CGNL1: variants seen among roughly 807,000 people sequenced by gnomAD.
CGNL1 encodes the protein cingulin like 1, also known as cingulin-like protein 1.
A neutral mutation model predicts 141.2 loss-of-function variants in CGNL1; 132 were observed. The observed-to-expected ratio is 0.93, with a 90% CI of 0.81 to 1.08. The LOEUF (loss-of-function observed/expected upper bound fraction) is 1.08. CGNL1 is among the 50% of genes least tolerant of loss of function. The pLI, the probability that CGNL1 is intolerant of heterozygous loss-of-function variation, is 0.00. For synonymous variants in CGNL1, 690 were observed against 622.1 expected (o/e 1.11, Z -1.63); for missense variants, 1,870 against 1,588.6 (o/e 1.18, Z -3.01).
At chr15:57,512,557 C>A (rs2030407449) in intron 8 of CGNL1, among the ~76,000 whole-genome samples, 1 of 152,186 alleles carries the variant, frequency 6.6e-6, no homozygotes, top group African/African-American at 2.4e-5. Context: ...CTCCTAGAGT[C>A]ATACTCAGCC....
rs751539694 is a variant in CGNL1, at chr15:57,523,637, AGGAG to A, written c.2866_2868+1del. On this transcript the variant is annotated frameshift_variant and splice_region_variant, in exon 11 of 19. Coordinates refer to ENST00000281282, the MANE Select transcript of CGNL1 (RefSeq NM_032866.5). LOFTEE classifies it high-confidence loss of function. ...GGCAAAACCATTGAGAAACTGCAGAAGGAGGTGAGGGGCTGGAGGAGGAAAGAGG... is the reference window on the plus strand; with the variant it reads ...GGCAAAACCATTGAGAAACTGCAGAAGTGAGGGGCTGGAGGAGGAAAGAGG... The A allele has an allele frequency of 8.1e-6, 13 of 1,614,076 alleles. No individual in the cohort carries two copies. In the South Asian group the frequency reaches 1.4e-4, roughly 18 times the overall value.
At chr15:57,531,838 G>A in intron 14 of CGNL1, 59 bp downstream of exon 14, 2 of 1,075,724 alleles carry the variant, frequency 1.9e-6, no homozygotes, top group Non-Finnish European at 2.9e-6. Context: ...GAACATGAGG[G>A]GTTAATCCTG....
At chr15:57,401,741 C>T (rs978223729) in intron 1 of CGNL1, among the ~76,000 whole-genome samples, 1 of 152,194 alleles carries the variant, frequency 6.6e-6, no homozygotes, top group African/African-American at 2.4e-5. Flanking sequence ...GTGGTAAAGA[C>T]TGCTAATTTT....
chr15:57,388,236 GC>G (rs1171398514), intron 1 of CGNL1, among the ~76,000 whole-genome samples: 1 of 152,164 alleles, frequency 6.6e-6, no homozygotes, highest in Admixed American at 6.5e-5. Context: ...AGGTGAGTAG[GC>G]CCCGAGAAGA....
At chr15:57,457,486 T>C (rs1286563180) in intron 7 of CGNL1, among the ~76,000 whole-genome samples, 1 of 152,182 alleles carries the variant, frequency 6.6e-6, no homozygotes, top group African/African-American at 2.4e-5. Flanking sequence ...CCAAACACAG[T>C]GCTCTGTTTT....
chr15:57,438,123 G>A lies in CGNL1; in HGVS notation c.124G>A (p.Val42Ile), dbSNP rs2063129700. The part of the protein sequence containing the change: ...SQNSKAGSYG[V>I]SIRVQGIDGH... ...GAACTCCAAGGCAGGCTCCTACGGT[G>A]TCAGTATTCGGGTCCAGGGAATTGA... The change falls in exon 2 of 19, where the codon GTC becomes ATC. Residue 42 changes from valine to isoleucine, a missense_variant. Val to Ile is a conservative substitution (Grantham distance 29, BLOSUM62 3). Coordinates refer to ENST00000281282, the MANE Select transcript of CGNL1 (RefSeq NM_032866.5). 1.2e-6 allele frequency: 2 copies of A among 1,614,178 alleles called. No individual in the cohort carries two copies. The highest frequency in any genetic ancestry group is 2.2e-5 in the South Asian group (2 of 91,070).
intron 7 of CGNL1, among the ~76,000 whole-genome samples, chr15:57,455,875 C>T (rs1231370012): frequency 2.0e-5 from 3 of 152,118 alleles, no homozygotes; most frequent in Non-Finnish European, 4.4e-5. Context: ...CAGGAGTGGG[C>T]AATAGCACAT....
At position 57,453,681 on chromosome 15, in the gene CGNL1, A is replaced by G. The variant is rs1302342917; in HGVS notation, c.2055-2A>G. 3 of 1,613,724 alleles carry G rather than the reference A, an allele frequency of 1.9e-6. No homozygotes were observed. Among genetic ancestry groups the G allele is most frequent in the South Asian group, 1.1e-5 (1 of 90,990 alleles). On this transcript the variant is annotated splice_acceptor_variant, in intron 6 of 18. Transcript: ENST00000281282. LOFTEE classifies it high-confidence loss of function. Reference sequence around the variant, plus strand: ...TGTCTAATGGGCTTCCTTCCCTGCCAGGCTATTCCAGGTGAAGATGGAACG... The same window carrying G: ...TGTCTAATGGGCTTCCTTCCCTGCCGGGCTATTCCAGGTGAAGATGGAACG...
intron 1 of CGNL1, among the ~76,000 whole-genome samples, chr15:57,408,281 G>C (rs1372365844): frequency 6.6e-6 from 1 of 152,030 alleles, no homozygotes; most frequent in Non-Finnish European, 1.5e-5. Context: ...AAGTTTCTCA[G>C]GGGCCCCAAA....
intron 7 of CGNL1, among the ~76,000 whole-genome samples, chr15:57,457,927 G>A (rs1297655368): frequency 2.0e-5 from 3 of 152,180 alleles, no homozygotes; most frequent in African/African-American, 7.2e-5. Flanking sequence ...TTGAGTATGT[G>A]GTTTTGTGGT....
At chr15:57,382,728 A>G (rs2062437627) in intron 1 of CGNL1, among the ~76,000 whole-genome samples, 1 of 152,108 alleles carries the variant, frequency 6.6e-6, no homozygotes, top group Non-Finnish European at 1.5e-5. Context: ...TTTATAGTCC[A>G]CATAGGGAAG....
At chr15:57,523,710 G>A in intron 11 of CGNL1, 69 bp downstream of exon 11, 14 of 1,562,070 alleles carry the variant, frequency 9.0e-6, no homozygotes, top group East Asian at 2.2e-5. Context: ...CCCTCTGAGG[G>A]TCTGGTGAAA....
intron 1 of CGNL1, among the ~76,000 whole-genome samples, chr15:57,391,735 G>A (rs1289357193): frequency 6.6e-6 from 1 of 152,168 alleles, no homozygotes; most frequent in African/African-American, 2.4e-5. Context: ...TTAGTTTGAA[G>A]ACCCAGGCTT....
chr15:57,476,266 T>G (rs1473785497), intron 8 of CGNL1, among the ~76,000 whole-genome samples: 1 of 152,038 alleles, frequency 6.6e-6, no homozygotes, highest in Non-Finnish European at 1.5e-5. Context: ...TTGGGGGCAG[T>G]GGGAATTAGC....
Position 57,523,561 on chromosome 15 carries a change from G to C in CGNL1, c.2788G>C (p.Glu930Gln). Residue 930 changes from glutamate (E) to glutamine (Q), a missense_variant, in exon 11 of 19, where the codon GAG (glutamate) becomes CAG (glutamine). By Grantham distance (29) the Glu-to-Gln change is conservative (BLOSUM62 2). Transcript: ENST00000281282. ...GCTCAAAGAGGAGAGTGAGCAGAAGGAGCAGCTAAGAAGGTTGAAGAACGA... is the reference window on the plus strand; with the variant it reads ...GCTCAAAGAGGAGAGTGAGCAGAAGCAGCAGCTAAGAAGGTTGAAGAACGA... ...EKLKEESEQK[E>Q]QLRRLKNEME... is the part of the protein sequence containing the mutation. 1 of 1,614,188 alleles carries C rather than the reference G, an allele frequency of 6.2e-7. No individual in the cohort carries two copies. The highest frequency in any genetic ancestry group is 8.5e-7 in the Non-Finnish European group (1 of 1,180,020).
rs1182384216 is a variant in CGNL1, at chr15:57,439,363, C to T, written c.1364C>T (p.Ser455Leu). 1.9e-6 allele frequency: 3 copies of T among 1,614,156 alleles called. No homozygotes were observed. The highest frequency in any genetic ancestry group is 3.3e-5 in the Admixed American group (2 of 60,028). The change falls in exon 2 of 19, where the codon TCA becomes TTA. Residue 455 changes from serine to leucine, a missense_variant. Transcript: ENST00000281282. ...CTGCAGGGAGCAGCGCACGGGGCTT[C>T]ATGTGCCCACTCCAGGCCTCCCCAG... The part of the protein sequence containing the change: ...AKLQGAAHGA[S>L]CAHSRPPQPN...
intron 8 of CGNL1, among the ~76,000 whole-genome samples, chr15:57,493,764 C>T (rs566283924): frequency 9.2e-5 from 14 of 152,198 alleles, no homozygotes; most frequent in Non-Finnish European, 1.8e-4. Flanking sequence ...AGTGAGATTG[C>T]ATATTCTCAG....
At chr15:57,402,651 G>A (rs1414367992) in intron 1 of CGNL1, 2 of 152,184 alleles carry the variant, frequency 1.3e-5, no homozygotes, top group African/African-American at 4.8e-5. Flanking sequence ...GCTCTCTGTT[G>A]GTTTCACAGT....
intron 1 of CGNL1, among the ~76,000 whole-genome samples, chr15:57,382,624 C>T (rs1473939158): frequency 6.6e-6 from 1 of 152,186 alleles, no homozygotes; most frequent in Non-Finnish European, 1.5e-5. Context: ...CTAGTTTTGG[C>T]CTCAAGAATT....
Sources: allele counts gnomAD v4.1 joint callset (sites outside exome capture counted in the v4.1 genomes callset), GRCh38; gene constraint gnomAD v4.1.1; transcripts MANE v1.5; gene names NCBI Gene and HGNC (gene_info 2026-07-23, HGNC 2026-07-21).